Variants in KCND2 observed in about 807,000 individuals in gnomAD.
KCND2 encodes the protein potassium voltage-gated channel subfamily D member 2.
Under a neutral mutation model 54.4 loss-of-function variants are expected in KCND2, and 16 were observed. The observed-to-expected ratio is 0.29, with a 90% CI of 0.20 to 0.45. KCND2 has a LOEUF of 0.45. KCND2 is among the 20% of genes least tolerant of loss of function. The pLI is 1.00. For missense variants in KCND2, 486 were observed against 824.2 expected (o/e 0.59, Z 5.02); for synonymous variants, 317 against 310.7 (o/e 1.02, Z -0.21).
At chr7:120,726,715 T>C (rs1247720621) in intron 1 of KCND2, among the ~76,000 whole-genome samples, 1 of 152,222 alleles carries the variant, frequency 6.6e-6, no homozygotes, top group African/African-American at 2.4e-5. Context: ...TCATGTCCCA[T>C]GTGAGTTTCT....
chr7:120,633,660 A>C (rs371300698), intron 1 of KCND2, among the ~76,000 whole-genome samples: 4 of 152,302 alleles, frequency 2.6e-5, no homozygotes, highest in South Asian at 4.1e-4. Context: ...AAGTTTGGTG[A>C]CTTTATCAAA....
chr7:120,435,203 T>C (rs1043841558), intron 1 of KCND2, among the ~76,000 whole-genome samples: 4 of 151,624 alleles, frequency 2.6e-5, no homozygotes, highest in South Asian at 2.1e-4. Flanking sequence ...ACCTCCCGGG[T>C]TCAAGTGATT....
Position 120,750,115 on chromosome 7 carries a change from T to C in KCND2, c.*2257T>C, listed in dbSNP as rs986319000. ...ATTTAAAAATATACCGTGTTGGTGG[T>C]GAATGACTATTGATGACTGTGTTAA... On this transcript the variant is annotated 3_prime_UTR_variant, in exon 6 of 6. Transcript: ENST00000331113. 6.6e-6 allele frequency: 1 copy of C among 152,408 alleles called. No homozygotes were observed. The highest frequency in any genetic ancestry group is 2.4e-5 in the African/African-American group (1 of 41,452). The allele number at this position is 152,408 out of a possible 1,614,324, so 9.4% of individuals were successfully genotyped here. A position where few individuals can be genotyped will look rare whatever the true frequency, so the allele number is the denominator to read the frequency against.
intron 1 of KCND2, among the ~76,000 whole-genome samples, chr7:120,679,119 CTTTAT>C (rs1417205457): frequency 6.6e-6 from 1 of 151,664 alleles, no homozygotes; most frequent in Admixed American, 6.6e-5. Context: ...TACCCTGAGG[CTTTAT>C]TTTATCACCC....
At chr7:120,478,666 T>C (rs925325282) in intron 1 of KCND2, among the ~76,000 whole-genome samples, 2 of 152,126 alleles carry the variant, frequency 1.3e-5, no homozygotes, top group East Asian at 1.9e-4. Context: ...TAATTATACC[T>C]ATAAGAAAAA....
At chr7:120,497,813 A>G (rs1024334910) in intron 1 of KCND2, among the ~76,000 whole-genome samples, 15 of 152,184 alleles carry the variant, frequency 9.9e-5, no homozygotes, top group Non-Finnish European at 1.9e-4. Context: ...TGGTCACACA[A>G]CACAAAACAG....
chr7:120,401,805 C>T (rs73217221), intron 1 of KCND2, among the ~76,000 whole-genome samples: 15,731 of 151,996 alleles, frequency 0.1, 840 homozygotes, highest in Admixed American at 0.13. Context: ...TTCAGTTTTC[C>T]ATCAATTTTG....
At chr7:120,454,844 A>C (rs1376343289) in intron 1 of KCND2, among the ~76,000 whole-genome samples, 2 of 152,192 alleles carry the variant, frequency 1.3e-5, no homozygotes, top group Non-Finnish European at 2.9e-5. Context: ...GTTTCAGGAT[A>C]CAAAATTAGT....
chr7:120,576,132 C>G (rs1443328165), intron 1 of KCND2, among the ~76,000 whole-genome samples: 1 of 152,074 alleles, frequency 6.6e-6, no homozygotes, highest in Non-Finnish European at 1.5e-5. Flanking sequence ...TTGATATAGT[C>G]TTCTTCAGCA....
intron 1 of KCND2, among the ~76,000 whole-genome samples, chr7:120,574,391 A>G (rs774213786): frequency 2.6e-5 from 4 of 152,212 alleles, no homozygotes; most frequent in African/African-American, 4.8e-5. Flanking sequence ...GCAATACTTG[A>G]CAAGGCACAA....
chr7:120,312,005 A>C (rs1254902838), intron 1 of KCND2, among the ~76,000 whole-genome samples: 2 of 152,134 alleles, frequency 1.3e-5, no homozygotes, highest in African/African-American at 2.4e-5. Context: ...CCTGGGTTCA[A>C]ACAATTCTCC....
intron 1 of KCND2, among the ~76,000 whole-genome samples, chr7:120,497,675 A>G (rs1584802190): frequency 6.6e-6 from 1 of 152,318 alleles, no homozygotes; most frequent in Non-Finnish European, 1.5e-5. Context: ...ATGTCCGTTC[A>G]GCAGGATAGA....
chr7:120,397,440 C>A (rs879684650), intron 1 of KCND2, among the ~76,000 whole-genome samples: 1 of 151,970 alleles, frequency 6.6e-6, no homozygotes, highest in African/African-American at 2.4e-5. Context: ...AGTTAGAAAT[C>A]ATAAGGATTG....
At chr7:120,400,306 A>C (rs954136657) in intron 1 of KCND2, among the ~76,000 whole-genome samples, 3 of 152,188 alleles carry the variant, frequency 2.0e-5, no homozygotes, top group African/African-American at 7.2e-5. Flanking sequence ...AGAAAATTTT[A>C]AAAAATGTAT....
intron 1 of KCND2, among the ~76,000 whole-genome samples, chr7:120,651,449 G>C (rs185687702): frequency 1.3e-5 from 2 of 152,176 alleles, no homozygotes; most frequent in African/African-American, 2.4e-5. Flanking sequence ...TGTGCTGTTT[G>C]CTAAGACTGT....
At chr7:120,701,388 A>C (rs1792401079) in intron 1 of KCND2, among the ~76,000 whole-genome samples, 1 of 151,996 alleles carries the variant, frequency 6.6e-6, no homozygotes, top group African/African-American at 2.4e-5. Flanking sequence ...TGATAGGGAG[A>C]CTGGAACAAG....
intron 1 of KCND2, among the ~76,000 whole-genome samples, chr7:120,596,167 G>A (rs1179243119): frequency 6.6e-6 from 1 of 151,988 alleles, no homozygotes; most frequent in South Asian, 2.1e-4. Flanking sequence ...CAAAAATGTA[G>A]GTAAGGATAT....
intron 1 of KCND2, among the ~76,000 whole-genome samples, chr7:120,317,587 A>T (rs979138745): frequency 1.3e-5 from 2 of 152,212 alleles, no homozygotes; most frequent in Non-Finnish European, 2.9e-5. Context: ...ATACCTTATT[A>T]GTTACTAGTT....
At chr7:120,746,054 A>AT in intron 5 of KCND2, 27 bp downstream of exon 5, 1 of 1,609,632 alleles carries the variant, frequency 6.2e-7, no homozygotes, top group Non-Finnish European at 8.5e-7. Flanking sequence ...TGTGTTGTCT[A>AT]CACACCTGTG....
Sources: gnomAD v4.1 joint callset for allele counts (sites outside exome capture counted in the v4.1 genomes callset) on GRCh38, gnomAD v4.1.1 for gene constraint, MANE v1.5 for transcripts, NCBI Gene and HGNC (gene_info 2026-07-23, HGNC 2026-07-21) for gene names.